TMEM232: variants seen among roughly 807,000 people sequenced by gnomAD.
TMEM232 encodes the protein transmembrane protein 232.
A neutral mutation model predicts 78.8 loss-of-function variants in TMEM232; 80 were observed. That is an observed-to-expected ratio of 1.01 (90% CI 0.85 to 1.22). The LOEUF (loss-of-function observed/expected upper bound fraction) is 1.22, where lower values mean the gene tolerates loss of function less well. Among genes scored for constraint, TMEM232 ranks in the 50% most tolerant of loss-of-function variants. The pLI is 0.00. For synonymous variants in TMEM232, 297 were observed against 254.3 expected (o/e 1.17, Z -1.60); for missense variants, 881 against 742.2 (o/e 1.19, Z -2.17).
At chr5:110,667,889 G>A (rs1790806702) in intron 1 of TMEM232, among the ~76,000 whole-genome samples, 1 of 151,906 alleles carries the variant, frequency 6.6e-6, no homozygotes, top group South Asian at 2.1e-4. Flanking sequence ...CATTTAGATA[G>A]TGCTTTCTCT....
At position 110,691,434 on chromosome 5, in the gene TMEM232, C is replaced by T. The variant is rs907131455; in HGVS notation, c.-12-24070G>A. Among the ~76,000 whole-genome samples, 12 of 152,266 alleles carry T rather than the reference C, an allele frequency of 7.9e-5. No individual in the cohort carries two copies. In the East Asian group the frequency reaches 2.3e-3, roughly 29 times the overall value. On this transcript the variant is annotated intron_variant, in intron 1 of 13. Coordinates refer to ENST00000455884, the MANE Select transcript of TMEM232 (RefSeq NM_001039763.4). ...GGAGCTACAAAAGGGATGTAATTGT[C>T]CATGAATTCTTGTATTGGATTTATG...
intron 5 of TMEM232, among the ~76,000 whole-genome samples, chr5:110,637,504 T>C (rs1365613010): frequency 1.3e-5 from 2 of 151,902 alleles, no homozygotes; most frequent in East Asian, 1.9e-4. Context: ...ATAATCAAAA[T>C]TTAATTTAAA....
chr5:110,459,794 C>G (rs1199999209), intron 12 of TMEM232, among the ~76,000 whole-genome samples: 1 of 151,964 alleles, frequency 6.6e-6, no homozygotes, highest in Non-Finnish European at 1.5e-5. Context: ...TTTAAATCAC[C>G]AATAAAAGAA....
At chr5:110,669,659 C>G (rs1437562957) in intron 1 of TMEM232, among the ~76,000 whole-genome samples, 13 of 152,142 alleles carry the variant, frequency 8.5e-5, no homozygotes, top group Non-Finnish European at 2.9e-5. Context: ...GATACCAAAG[C>G]CTGGCAGAGA....
At chr5:110,508,434 C>T (rs1767217336) in intron 12 of TMEM232, among the ~76,000 whole-genome samples, 1 of 150,884 alleles carries the variant, frequency 6.6e-6, no homozygotes, top group South Asian at 2.1e-4. Context: ...TATATACATA[C>T]ACACACATAT....
chr5:110,413,966 C>T (rs1369439947), intron 2 of TMEM232, among the ~76,000 whole-genome samples: 2 of 152,164 alleles, frequency 1.3e-5, no homozygotes, highest in African/African-American at 4.8e-5. Flanking sequence ...TATGACCCAC[C>T]ACAACACAAT....
At chr5:110,490,708 G>C (rs1764990505) in intron 12 of TMEM232, among the ~76,000 whole-genome samples, 1 of 151,990 alleles carries the variant, frequency 6.6e-6, no homozygotes, top group African/African-American at 2.4e-5. Flanking sequence ...TTTCAACAAA[G>C]GTGCCAAGAC....
At chr5:110,566,511 G>A (rs1385022017) in intron 11 of TMEM232, among the ~76,000 whole-genome samples, 4 of 151,844 alleles carry the variant, frequency 2.6e-5, no homozygotes, top group Non-Finnish European at 5.9e-5. Flanking sequence ...TCTCTCTCAA[G>A]TTCAAAGTTC....
chr5:110,484,745 T>A (rs1478568608), intron 12 of TMEM232, among the ~76,000 whole-genome samples: 1 of 152,024 alleles, frequency 6.6e-6, no homozygotes, highest in South Asian at 2.1e-4. Flanking sequence ...GGTGAACTCG[T>A]CAATATAACA....
At chr5:110,540,510 C>T (rs559928215) in intron 11 of TMEM232, among the ~76,000 whole-genome samples, 44 of 152,354 alleles carry the variant, frequency 2.9e-4, no homozygotes, top group Middle Eastern at 3.4e-3. Context: ...GGCCCAGTAA[C>T]TGATCATTCC....
intron 4 of TMEM232, 121 bp from the exon 5 acceptor site, chr5:110,638,476 T>A: frequency 1.0e-6 from 1 of 986,456 alleles, no homozygotes; most frequent in Non-Finnish European, 1.5e-6. Context: ...TTAAAATATA[T>A]TTACAAATTC....
At chr5:110,707,794 G>A (rs924522277) in intron 1 of TMEM232, among the ~76,000 whole-genome samples, 2 of 152,160 alleles carry the variant, frequency 1.3e-5, no homozygotes, top group Admixed American at 1.3e-4. Context: ...GAGTAAAGGG[G>A]ACTTTGTCTT....
intron 12 of TMEM232, among the ~76,000 whole-genome samples, chr5:110,456,885 A>G (rs957127281): frequency 6.6e-6 from 1 of 152,184 alleles, no homozygotes; most frequent in Non-Finnish European, 1.5e-5. Flanking sequence ...AACTAAAACT[A>G]GATCATAGAC....
At chr5:110,554,425 G>A (rs887550209) in intron 11 of TMEM232, among the ~76,000 whole-genome samples, 4 of 152,144 alleles carry the variant, frequency 2.6e-5, no homozygotes, top group Non-Finnish European at 4.4e-5. Context: ...TTGTGATCAT[G>A]TGAGTTAATA....
chr5:110,585,466 G>A (rs1778700890), intron 10 of TMEM232, among the ~76,000 whole-genome samples: 2 of 152,102 alleles, frequency 1.3e-5, no homozygotes, highest in Admixed American at 6.6e-5. Flanking sequence ...TTGAAGCAGT[G>A]TTGACAGGGT....
intron 12 of TMEM232, among the ~76,000 whole-genome samples, chr5:110,466,271 C>CA (rs1762063205): frequency 6.6e-6 from 1 of 152,108 alleles, no homozygotes; most frequent in Non-Finnish European, 1.5e-5. Context: ...AATACATACA[C>CA]AAAAACAGAA....
chr5:110,686,960 T>C (rs977251145), intron 1 of TMEM232, among the ~76,000 whole-genome samples: 3 of 152,166 alleles, frequency 2.0e-5, no homozygotes, highest in Admixed American at 2.0e-4. Flanking sequence ...GAGCTACTAT[T>C]GGTCATTATG....
chr5:110,496,794 G>GA (rs1489017385), intron 12 of TMEM232, among the ~76,000 whole-genome samples: 1 of 151,482 alleles, frequency 6.6e-6, no homozygotes, highest in Non-Finnish European at 1.5e-5. Flanking sequence ...CAATTTTTGA[G>GA]AAAAAAATAT....
chr5:110,570,966 G>A (rs1776874002), intron 10 of TMEM232, among the ~76,000 whole-genome samples: 1 of 151,874 alleles, frequency 6.6e-6, no homozygotes, highest in South Asian at 2.1e-4. Flanking sequence ...GGAAGTTCTA[G>A]AATACACATC....
Sources: allele counts gnomAD v4.1 joint callset (sites outside exome capture counted in the v4.1 genomes callset), GRCh38; gene constraint gnomAD v4.1.1; transcripts MANE v1.5; gene names NCBI Gene and HGNC (gene_info 2026-07-23, HGNC 2026-07-21).